Variants in ELMO1 observed in about 807,000 individuals in gnomAD.
ELMO1 encodes the protein engulfment and cell motility 1, also known as engulfment and cell motility protein 1.
A neutral mutation model predicts 98.9 loss-of-function variants in ELMO1; 26 were observed. That is an observed-to-expected ratio of 0.26 (90% CI 0.19 to 0.36). The LOEUF is 0.36. Ranked by LOEUF, ELMO1 falls within the 10% of genes least tolerant of loss-of-function variation. The pLI, the probability that ELMO1 is intolerant of heterozygous loss-of-function variation, is 1.00. For missense variants in ELMO1, 627 were observed against 935.2 expected (o/e 0.67, Z 4.30); for synonymous variants, 346 against 346.0 (o/e 1.00, Z 0.00).
rs548096057 is a variant in ELMO1, at chr7:37,315,119, A to G, written c.120-197T>C. 9.2e-5 allele frequency among the ~76,000 whole-genome samples: 14 copies of G among 152,300 alleles called. No individual in the cohort carries two copies. In the South Asian group the frequency reaches 2.7e-3, roughly 29 times the overall value. The stretch of plus-strand genomic sequence containing the variant: ...CTGAGACCAATCATTTCATGTGTAG[A>G]CTGTCTAGACCTGATGCTAGGCCTA... On this transcript the variant is annotated intron_variant, in intron 3 of 21. Transcript: ENST00000310758.
chr7:37,178,141 G>A (rs13223526), intron 13 of ELMO1, among the ~76,000 whole-genome samples: 95,237 of 151,720 alleles, frequency 0.63, 31,807 homozygotes, highest in Non-Finnish European at 0.74. Context: ...AGACATACCC[G>A]AGACTGGGTA....
At chr7:36,935,675 C>T (rs979142306) in intron 16 of ELMO1, among the ~76,000 whole-genome samples, 1 of 152,164 alleles carries the variant, frequency 6.6e-6, no homozygotes, top group African/African-American at 2.4e-5. Flanking sequence ...GGGGCACACA[C>T]ATTTTGAGGC....
intron 14 of ELMO1, among the ~76,000 whole-genome samples, chr7:37,105,958 T>C (rs1784923636): frequency 6.6e-6 from 1 of 152,220 alleles, no homozygotes; most frequent in Admixed American, 6.5e-5. Flanking sequence ...GAGGTAGTGA[T>C]TGCACAACAC....
intron 15 of ELMO1, among the ~76,000 whole-genome samples, chr7:37,055,901 G>A (rs992378317): frequency 2.6e-5 from 4 of 152,144 alleles, no homozygotes; most frequent in African/African-American, 7.2e-5. Context: ...GGCTGTAAGG[G>A]CAGCCCTAAA....
In ELMO1 at chr7:37,135,608, TAGACCCAGA is replaced by T. The variant is rs533966695; in HGVS notation, c.1087-2383_1087-2375del. On this transcript the variant is annotated intron_variant, in intron 13 of 21. Transcript: ENST00000310758. ...GAGCTGGGTAGCTCTGCTGGGTGGC[TAGACCCAGA>T]AGAGCAAAAACAATCACTACAGCTT... Among the ~76,000 whole-genome samples the T allele has an allele frequency of 2.6e-5, 4 of 152,278 alleles. No individual in the cohort carries two copies. In the East Asian group the frequency reaches 7.7e-4, roughly 29 times the overall value.
At chr7:37,325,385 T>C (rs1799746118) in intron 2 of ELMO1, among the ~76,000 whole-genome samples, 1 of 152,192 alleles carries the variant, frequency 6.6e-6, no homozygotes, top group African/African-American at 2.4e-5. Flanking sequence ...TATCTTCTGT[T>C]TCCAGACTTT....
At chr7:37,258,232 C>A (rs1226117183) in intron 6 of ELMO1, among the ~76,000 whole-genome samples, 3 of 151,958 alleles carry the variant, frequency 2.0e-5, no homozygotes, top group African/African-American at 4.8e-5. Context: ...CGTCCCACTA[C>A]ACTCCAGCCT....
At chr7:37,085,602 C>T (rs1171168917) in intron 15 of ELMO1, among the ~76,000 whole-genome samples, 1 of 152,012 alleles carries the variant, frequency 6.6e-6, no homozygotes, top group Non-Finnish European at 1.5e-5. Flanking sequence ...CCTGGTACAT[C>T]ACGATCCTAC....
At chr7:37,250,912 A>G (rs904921230) in intron 6 of ELMO1, among the ~76,000 whole-genome samples, 1 of 152,096 alleles carries the variant, frequency 6.6e-6, no homozygotes, top group Non-Finnish European at 1.5e-5. Flanking sequence ...ATATTCCAGC[A>G]GCGTAATTTT....
chr7:36,887,765 G>C (rs1805160970), intron 17 of ELMO1, 93 bp from the exon 18 acceptor site: 1 of 1,115,766 alleles, frequency 9.0e-7, no homozygotes, highest in Non-Finnish European at 1.3e-6. Context: ...GGGAGAACAA[G>C]TGCATCTTTT....
intron 7 of ELMO1, among the ~76,000 whole-genome samples, chr7:37,235,225 C>G (rs1794395956): frequency 6.6e-6 from 1 of 151,760 alleles, no homozygotes; most frequent in South Asian, 2.1e-4. Context: ...ATCCAAATAT[C>G]AGATTGCAAA....
At chr7:37,104,103 T>C (rs1015157988) in intron 14 of ELMO1, among the ~76,000 whole-genome samples, 19 of 141,272 alleles carry the variant, frequency 1.3e-4, no homozygotes, top group Non-Finnish European at 2.9e-4. Context: ...ACGTTCCTAA[T>C]AATGCTGGAC....
chr7:37,158,217 A>T (rs902837656), intron 13 of ELMO1, among the ~76,000 whole-genome samples: 2 of 152,248 alleles, frequency 1.3e-5, no homozygotes, highest in Non-Finnish European at 2.9e-5. Flanking sequence ...AAGAAAACTT[A>T]GGCAATACCA....
At chr7:37,106,461 TAGAG>T (rs1408856474) in intron 14 of ELMO1, among the ~76,000 whole-genome samples, 1 of 152,114 alleles carries the variant, frequency 6.6e-6, no homozygotes. Context: ...ATCTTGGAAA[TAGAG>T]AGCACAGCCC....
intron 4 of ELMO1, among the ~76,000 whole-genome samples, chr7:37,297,271 CCTT>C (rs1305013736): frequency 6.6e-6 from 1 of 152,112 alleles, no homozygotes; most frequent in South Asian, 2.1e-4. Context: ...TAAGTCAACT[CCTT>C]CTGCAATTCC....
At chr7:37,375,490 A>G in intron 1 of ELMO1, 1 of 744,260 alleles carries the variant, frequency 1.3e-6, no homozygotes. Flanking sequence ...GGTATGATTC[A>G]AGCCCCGGCC....
chr7:37,027,527 G>A (rs370053546), intron 15 of ELMO1, among the ~76,000 whole-genome samples: 21 of 152,328 alleles, frequency 1.4e-4, no homozygotes, highest in South Asian at 1.2e-3. Context: ...TTAAGGGAAT[G>A]ATCCATTGAT....
intron 4 of ELMO1, among the ~76,000 whole-genome samples, chr7:37,289,107 T>A (rs2717979): frequency 0.35 from 53,397 of 152,128 alleles, 10,532 homozygotes; most frequent in Middle Eastern, 0.54. Flanking sequence ...ACCAGTGCCT[T>A]GAATGGTGCC....
intron 16 of ELMO1, among the ~76,000 whole-genome samples, chr7:36,947,030 C>A (rs140160433): frequency 7.1e-4 from 108 of 152,236 alleles, no homozygotes; most frequent in African/African-American, 2.5e-3. Context: ...CATGGATATA[C>A]TGCACAATGC....
Sources: gnomAD v4.1 joint callset for allele counts (sites outside exome capture counted in the v4.1 genomes callset) on GRCh38, gnomAD v4.1.1 for gene constraint, MANE v1.5 for transcripts, NCBI Gene and HGNC (gene_info 2026-07-23, HGNC 2026-07-21) for gene names.